The following MOGAT1 variants were observed in gnomAD, a reference collection of about 807,000 sequenced individuals.
MOGAT1 encodes the protein monoacylglycerol O-acyltransferase 1.
Under a neutral mutation model 31.4 loss-of-function variants are expected in MOGAT1, and 32 were observed. The observed-to-expected ratio is 1.02, with a 90% CI of 0.77 to 1.37. The LOEUF is 1.37. Among genes scored for constraint, MOGAT1 ranks in the 40% most tolerant of loss-of-function variants. The pLI is 0.00. For missense variants in MOGAT1, 426 were observed against 402.0 expected (o/e 1.06, Z -0.51); for synonymous variants, 145 against 144.5 (o/e 1.00, Z -0.03).
intron 1 of MOGAT1, among the ~76,000 whole-genome samples, 170 bp downstream of exon 1, chr2:222,672,049 G>A (rs1268321876): frequency 6.6e-6 from 1 of 152,194 alleles, no homozygotes; most frequent in Non-Finnish European, 1.5e-5. Flanking sequence ...TTCCTCACGA[G>A]AACCTCATCG....
intron 3 of MOGAT1, among the ~76,000 whole-genome samples, chr2:222,689,901 T>C (rs1272181790): frequency 1.3e-5 from 2 of 152,206 alleles, no homozygotes; most frequent in Non-Finnish European, 2.9e-5. Context: ...GTAACAGCAG[T>C]GATAAAACTA....
intron 5 of MOGAT1, chr2:222,699,561 A>G (rs1242592889): frequency 7.0e-6 from 1 of 143,814 alleles, no homozygotes; most frequent in Non-Finnish European, 1.5e-5. Context: ...CAGTGGCACA[A>G]TCTCTGCTCA....
chr2:222,674,235 GTT>G (rs1420487837), intron 1 of MOGAT1, among the ~76,000 whole-genome samples: 1 of 152,104 alleles, frequency 6.6e-6, no homozygotes. Flanking sequence ...TCACCTCAAT[GTT>G]TTTGTTTCAC....
intron 1 of MOGAT1, among the ~76,000 whole-genome samples, chr2:222,678,929 T>A (rs1692540226): frequency 6.6e-6 from 1 of 152,044 alleles, no homozygotes; most frequent in Non-Finnish European, 1.5e-5. Context: ...GGTGACAAGA[T>A]CAAAAAACTC....
chr2:222,702,539 G>A (rs1041987251), intron 5 of MOGAT1, among the ~76,000 whole-genome samples: 4 of 151,722 alleles, frequency 2.6e-5, no homozygotes, highest in Admixed American at 1.3e-4. Flanking sequence ...GTGTGCACAC[G>A]TGCACAAAAT....
In MOGAT1 at chr2:222,689,393, T is replaced by C. The variant is rs890763601; in HGVS notation, c.402T>C (p.Pro134=). ...ATTCTGACTTCAAGGACCTGTTTCC[T>C]GGCTTTACTTCATATCTTCACGTGC... The part of the protein sequence containing the change: ...VNYSDFKDLF[P]GFTSYLHVLP... Residue 134 remains proline (P), a synonymous_variant, in exon 3 of 6, where the codon CCT becomes CCC. Coordinates refer to ENST00000446656, the MANE Select transcript of MOGAT1 (RefSeq NM_058165.3). 2.5e-6 allele frequency: 4 copies of C among 1,614,028 alleles called. No homozygotes were observed. The highest frequency in any genetic ancestry group is 2.2e-5 in the South Asian group (2 of 91,074).
chr2:222,684,857 G>T (rs1279309360), intron 1 of MOGAT1, among the ~76,000 whole-genome samples: 1 of 152,122 alleles, frequency 6.6e-6, no homozygotes, highest in East Asian at 1.9e-4. Context: ...TTGCAAGCGT[G>T]AGCCACCGTG....
At chr2:222,702,776 A>G (rs1574977734) in intron 5 of MOGAT1, among the ~76,000 whole-genome samples, 1 of 151,556 alleles carries the variant, frequency 6.6e-6, no homozygotes, top group Admixed American at 6.6e-5. Flanking sequence ...GGTTGCAGTC[A>G]CTCCAGCCAT....
At chr2:222,680,101 C>T (rs1391542904) in intron 1 of MOGAT1, among the ~76,000 whole-genome samples, 2 of 152,202 alleles carry the variant, frequency 1.3e-5, no homozygotes, top group Non-Finnish European at 2.9e-5. Flanking sequence ...AGCTCCATAA[C>T]TAAATTTGCT....
intron 1 of MOGAT1, among the ~76,000 whole-genome samples, chr2:222,686,306 T>TG (rs1333196878): frequency 2.6e-5 from 4 of 152,138 alleles, no homozygotes; most frequent in African/African-American, 9.7e-5. Flanking sequence ...AACTGTAAAA[T>TG]GGGGCAATAA....
chr2:222,701,013 C>T (rs1458952364), intron 5 of MOGAT1, among the ~76,000 whole-genome samples: 2 of 152,344 alleles, frequency 1.3e-5, no homozygotes, highest in East Asian at 3.9e-4. Context: ...CATCAACTCA[C>T]TCAGTATTAG....
intron 5 of MOGAT1, among the ~76,000 whole-genome samples, chr2:222,701,586 GAA>G (rs374747246): frequency 3.9e-4 from 35 of 90,338 alleles, no homozygotes; most frequent in South Asian, 9.8e-4. Context: ...GAAAGAAAAA[GAA>G]AGAAAGAAAG....
intron 1 of MOGAT1, among the ~76,000 whole-genome samples, chr2:222,676,101 C>T (rs1692493350): frequency 6.6e-6 from 1 of 151,280 alleles, no homozygotes; most frequent in Non-Finnish European, 1.5e-5. Flanking sequence ...AAACAGTAAG[C>T]CCTCCTTCTC....
intron 5 of MOGAT1, among the ~76,000 whole-genome samples, chr2:222,707,698 A>C (rs16864037): frequency 0.027 from 4,060 of 152,302 alleles, 97 homozygotes; most frequent in Middle Eastern, 0.068. Flanking sequence ...CATCCAAGCT[A>C]TCAAAGAAAA....
chr2:222,701,318 GAGAGAGAGAGAT>G (rs1373526412), intron 5 of MOGAT1, among the ~76,000 whole-genome samples: 5 of 148,572 alleles, frequency 3.4e-5, no homozygotes, highest in African/African-American at 5.0e-5. Context: ...GAGAGAGAGA[GAGAGAGAGAGAT>G]AAAAGGAATT....
In MOGAT1 at chr2:222,709,731, T is replaced by C; in HGVS notation, c.854-5T>C. ...CTCACGTATGATGTATTCCCTGATTTGCAGTTGGCCGCCCGATCCCTGTTC... is the reference window on the plus strand; with the variant it reads ...CTCACGTATGATGTATTCCCTGATTCGCAGTTGGCCGCCCGATCCCTGTTC... On this transcript the variant is annotated splice_polypyrimidine_tract_variant and splice_region_variant and intron_variant, in intron 5 of 5. Coordinates refer to ENST00000446656, the MANE Select transcript of MOGAT1 (RefSeq NM_058165.3). The C allele has an allele frequency of 6.2e-7, 1 of 1,612,030 alleles. No homozygotes were observed. Among genetic ancestry groups the C allele is most frequent in the Non-Finnish European group, 8.5e-7 (1 of 1,179,196 alleles).
chr2:222,677,850 G>A (rs1010355755), intron 1 of MOGAT1: 8 of 253,672 alleles, frequency 3.2e-5, no homozygotes, highest in East Asian at 1.1e-4. Flanking sequence ...TTAAGTTGCC[G>A]TACTAACTGT....
chr2:222,705,316 T>C (rs149768545), intron 5 of MOGAT1, among the ~76,000 whole-genome samples: 122 of 152,282 alleles, frequency 8.0e-4, no homozygotes, highest in African/African-American at 2.6e-3. Flanking sequence ...TCCTATGACT[T>C]AGGATGCCTT....
At chr2:222,676,193 T>G (rs1310791934) in intron 1 of MOGAT1, among the ~76,000 whole-genome samples, 4 of 151,462 alleles carry the variant, frequency 2.6e-5, no homozygotes, top group Non-Finnish European at 5.9e-5. Flanking sequence ...CTCTATGTTG[T>G]CTAGGTTGGT....
Sources: gnomAD v4.1 joint callset for allele counts (sites outside exome capture counted in the v4.1 genomes callset) on GRCh38, gnomAD v4.1.1 for gene constraint, MANE v1.5 for transcripts, NCBI Gene and HGNC (gene_info 2026-07-23, HGNC 2026-07-21) for gene names.